Variants in CFAP20DC observed in about 807,000 individuals in gnomAD.
CFAP20DC encodes CFAP20 domain containing.
In CFAP20DC, 84 loss-of-function variants were observed where a neutral mutation model predicts 101.7. The observed-to-expected ratio is 0.83, with a 90% CI of 0.69 to 0.99. CFAP20DC has a LOEUF of 0.99. Ranked by LOEUF, CFAP20DC falls within the 50% of genes least tolerant of loss-of-function variation. The pLI, the probability that CFAP20DC is intolerant of heterozygous loss-of-function variation, is 0.00. For synonymous variants in CFAP20DC, 359 were observed against 351.2 expected, an observed-to-expected ratio of 1.02 and a Z score of -0.25; for missense variants, 1,007 against 970.3, an observed-to-expected ratio of 1.04 and a Z score of -0.50.
At chr3:58,842,944 C>G (rs1208526222) in intron 13 of CFAP20DC, among the ~76,000 whole-genome samples, 1 of 152,188 alleles carries the variant, frequency 6.6e-6, no homozygotes, top group Non-Finnish European at 1.5e-5. Context: ...AGACCTGCAG[C>G]TGAGGGTCCT....
chr3:58,800,444 GGA>G (rs774848174), intron 15 of CFAP20DC, among the ~76,000 whole-genome samples: 6 of 152,160 alleles, frequency 3.9e-5, no homozygotes, highest in Non-Finnish European at 7.3e-5. Flanking sequence ...AAGCAAAGGT[GGA>G]GAGGGGTATT....
At position 58,863,778 on chromosome 3, in the gene CFAP20DC, C is replaced by T; in HGVS notation, c.1373G>A (p.Ser458Asn). The change falls in exon 12 of 17, where the codon AGC becomes AAC. Residue 458 changes from serine to asparagine, a missense_variant. Physicochemically the swap from Ser to Asn is conservative, Grantham distance 46. Transcript: ENST00000482387. This position sits in a 1 kb window ranked among gnomAD's most constrained non-coding sequence, Gnocchi z 5.9. The part of the protein sequence containing the change: ...CNPSHLWLEA[S>N]KESEHDQQAE... The stretch of plus-strand genomic sequence containing the variant: ...CTGCTGGTCGTGTTCACTCTCTTTG[C>T]TGGCTTCCAGCCACAGGTGTGATGG... The T allele has an allele frequency of 6.2e-7, 1 of 1,614,210 alleles. No individual in the cohort carries two copies.
chr3:58,815,651 C>T (rs1319420670), intron 14 of CFAP20DC, among the ~76,000 whole-genome samples: 1 of 151,388 alleles, frequency 6.6e-6, no homozygotes, highest in African/African-American at 2.4e-5. Flanking sequence ...TGAACTCAAA[C>T]AAATTTACAA....
chr3:58,886,706 T>G (rs572341348), intron 6 of CFAP20DC, among the ~76,000 whole-genome samples: 1 of 151,438 alleles, frequency 6.6e-6, no homozygotes, highest in South Asian at 2.1e-4. Context: ...AGAAAGACCC[T>G]GTCTTAAAAA....
At chr3:58,972,813 ATAAG>A (rs1311584732) in intron 4 of CFAP20DC, among the ~76,000 whole-genome samples, 2 of 152,210 alleles carry the variant, frequency 1.3e-5, no homozygotes, top group African/African-American at 2.4e-5. Context: ...TGTTCAAAGC[ATAAG>A]TAAGGCAGTA....
In CFAP20DC at chr3:58,870,162, C is replaced by T; in HGVS notation, c.852+11G>A. ...TTGTGCTTAGATAAGCTCTCCAAACCTTGCTCCTACCTCGCTGGATATCTT... is the reference window on the plus strand; with the variant it reads ...TTGTGCTTAGATAAGCTCTCCAAACTTTGCTCCTACCTCGCTGGATATCTT... On this transcript the variant is annotated intron_variant, in intron 8 of 16. Coordinates refer to ENST00000482387, the MANE Select transcript of CFAP20DC (RefSeq NM_001394063.1). The T allele has an allele frequency of 6.2e-7, 1 of 1,613,374 alleles. No individual in the cohort carries two copies. Among genetic ancestry groups the T allele is most frequent in the Non-Finnish European group, 8.5e-7 (1 of 1,179,876 alleles).
chr3:58,765,504 A>G (rs1041939171), intron 15 of CFAP20DC, among the ~76,000 whole-genome samples: 1 of 150,866 alleles, frequency 6.6e-6, no homozygotes, highest in Non-Finnish European at 1.5e-5. Context: ...AAAAAAAAAA[A>G]AAACAAACAG....
chr3:59,028,601 C>T (rs2093933295), intron 4 of CFAP20DC, among the ~76,000 whole-genome samples: 1 of 152,102 alleles, frequency 6.6e-6, no homozygotes, highest in African/African-American at 2.4e-5. Context: ...GGCAGCGTGG[C>T]AAGGGAGTAG....
At chr3:59,036,496 A>G (rs2094106420) in intron 4 of CFAP20DC, among the ~76,000 whole-genome samples, 1 of 152,204 alleles carries the variant, frequency 6.6e-6, no homozygotes, top group African/African-American at 2.4e-5. Flanking sequence ...CCTATACACC[A>G]ATAATAGACA....
At position 58,869,139 on chromosome 3, in the gene CFAP20DC, G is replaced by A. The variant is rs2079929978; in HGVS notation, c.1015+189C>T. Among the ~76,000 whole-genome samples the A allele has an allele frequency of 6.6e-6, 1 of 152,086 alleles. No individual in the cohort carries two copies. The highest frequency in any genetic ancestry group is 2.4e-5 in the African/African-American group (1 of 41,414). ...GCAATTTGAAATAATGGAGAAAACA[G>A]AATGATAGATTTCAGAAGCTAATAT... On this transcript the variant is annotated intron_variant, in intron 9 of 16. Transcript: ENST00000482387. This position sits in a 1 kb window ranked among gnomAD's most constrained non-coding sequence, Gnocchi z 4.3.
chr3:59,018,351 T>C (rs2093732092), intron 4 of CFAP20DC: 1 of 152,042 alleles, frequency 6.6e-6, no homozygotes, highest in Non-Finnish European at 1.5e-5. Flanking sequence ...GAAGAAGATA[T>C]TTATAAAGTC....
At chr3:58,821,393 C>A (rs1298866666) in intron 14 of CFAP20DC, among the ~76,000 whole-genome samples, 1 of 152,254 alleles carries the variant, frequency 6.6e-6, no homozygotes, top group African/African-American at 2.4e-5. Flanking sequence ...GCAACCTACT[C>A]ATCTGACAAA....
At chr3:58,969,093 C>T (rs774461861) in intron 4 of CFAP20DC, among the ~76,000 whole-genome samples, 3 of 152,088 alleles carry the variant, frequency 2.0e-5, no homozygotes, top group East Asian at 1.9e-4. Flanking sequence ...CAGTACCATG[C>T]GTTTTGGTTA....
chr3:58,809,234 A>G (rs1329705247), intron 14 of CFAP20DC, among the ~76,000 whole-genome samples: 1 of 151,966 alleles, frequency 6.6e-6, no homozygotes, highest in African/African-American at 2.4e-5. Context: ...TCCACCCCAA[A>G]TCAACAGAAT....
chr3:58,752,560 T>A (rs1192212390), intron 16 of CFAP20DC, among the ~76,000 whole-genome samples: 1 of 152,174 alleles, frequency 6.6e-6, no homozygotes, highest in Admixed American at 6.6e-5. Flanking sequence ...TTCCTGTGGC[T>A]TATTTAGGAC....
At chr3:58,920,865 T>C (rs1374629704) in intron 5 of CFAP20DC, among the ~76,000 whole-genome samples, 2 of 152,236 alleles carry the variant, frequency 1.3e-5, no homozygotes, top group Middle Eastern at 3.2e-3. Flanking sequence ...AAGTTGGTAT[T>C]ATTACTTCCT....
intron 4 of CFAP20DC, among the ~76,000 whole-genome samples, chr3:58,978,783 G>A (rs906844811): frequency 1.3e-5 from 2 of 151,896 alleles, no homozygotes; most frequent in Non-Finnish European, 2.9e-5. Context: ...GATATTTCTG[G>A]ACTTGGGGCT....
At chr3:58,999,883 C>T (rs970899929) in intron 4 of CFAP20DC, among the ~76,000 whole-genome samples, 10 of 146,748 alleles carry the variant, frequency 6.8e-5, no homozygotes, top group African/African-American at 1.3e-4. Context: ...TGACAGAGCA[C>T]GGGAAGGCCA....
chr3:59,023,747 A>C (rs921801396), intron 4 of CFAP20DC, among the ~76,000 whole-genome samples: 1 of 152,156 alleles, frequency 6.6e-6, no homozygotes, highest in Non-Finnish European at 1.5e-5. Context: ...TGATCATTTA[A>C]AAAGTAAAAA....
Sources: gnomAD v4.1 joint callset for allele counts (sites outside exome capture counted in the v4.1 genomes callset) on GRCh38, gnomAD v4.1.1 for gene constraint, Gnocchi (gnomAD v3.1) non-coding constraint, MANE v1.5 for transcripts, NCBI Gene and HGNC (gene_info 2026-07-23, HGNC 2026-07-21) for gene names.